Variants in LUZP2 observed in about 807,000 individuals in gnomAD.
LUZP2 encodes the protein leucine zipper protein 2.
Under a neutral mutation model 51.6 loss-of-function variants are expected in LUZP2, and 52 were observed. The observed-to-expected ratio is 1.01, with a 90% CI of 0.81 to 1.27. The LOEUF (loss-of-function observed/expected upper bound fraction) is 1.27, where lower values mean the gene tolerates loss of function less well. LUZP2 is among the 50% of genes most tolerant of loss of function. The probability of loss-of-function intolerance (pLI) is 0.00; values close to 1 mark genes in which losing one functional copy is unlikely to be tolerated. For synonymous variants in LUZP2, 154 were observed against 137.3 expected, an observed-to-expected ratio of 1.12 and a Z score of -0.85; for missense variants, 436 against 395.4, an observed-to-expected ratio of 1.10 and a Z score of -0.87.
In LUZP2 at chr11:24,540,942, G is replaced by T. The variant is rs993338323; in HGVS notation, c.62+43637G>T. Reference sequence around the variant, plus strand: ...GCTTAGCTATTCCAAAGATGTAAACGTGACACTTTAAGAAATGAGGTGATG... The same window carrying T: ...GCTTAGCTATTCCAAAGATGTAAACTTGACACTTTAAGAAATGAGGTGATG... On this transcript the variant is annotated intron_variant, in intron 1 of 11. Transcript: ENST00000336930. Among the ~76,000 whole-genome samples the T allele has an allele frequency of 3.3e-5, 5 of 152,062 alleles. No individual in the cohort carries two copies. In the South Asian group the frequency reaches 1.0e-3, roughly 32 times the overall value.
At chr11:24,896,730 G>A (rs1199987191) in intron 5 of LUZP2, among the ~76,000 whole-genome samples, 3 of 152,336 alleles carry the variant, frequency 2.0e-5, no homozygotes, top group Middle Eastern at 3.4e-3. Context: ...GCCCCGGCAC[G>A]GGATCCACTA....
chr11:24,597,945 A>G (rs4439509), intron 1 of LUZP2, among the ~76,000 whole-genome samples: 26,158 of 152,034 alleles, frequency 0.17, 2,685 homozygotes, highest in Middle Eastern at 0.33. Context: ...TACTAAAGAT[A>G]CAAAAATTAG....
chr11:24,896,328 C>T (rs1040438294), intron 5 of LUZP2, among the ~76,000 whole-genome samples: 3 of 152,082 alleles, frequency 2.0e-5, no homozygotes, highest in Non-Finnish European at 4.4e-5. Context: ...AGGGCAATTG[C>T]GGGCCACAGT....
chr11:24,634,275 C>G (rs955417985), intron 1 of LUZP2, among the ~76,000 whole-genome samples: 1 of 151,814 alleles, frequency 6.6e-6, no homozygotes, highest in Non-Finnish European at 1.5e-5. Context: ...GCACAGATAC[C>G]CTGGAAGTAC....
At chr11:24,682,943 G>T (rs1856794152) in intron 1 of LUZP2, among the ~76,000 whole-genome samples, 1 of 152,110 alleles carries the variant, frequency 6.6e-6, no homozygotes, top group Admixed American at 6.5e-5. Context: ...GGCAGAGGTT[G>T]CAGTGAGCCG....
chr11:25,060,724 A>G (rs553654303), intron 10 of LUZP2, among the ~76,000 whole-genome samples: 1 of 152,308 alleles, frequency 6.6e-6, no homozygotes, highest in South Asian at 2.1e-4. Context: ...TAAAAAGAAA[A>G]GTGATATAGA....
At chr11:24,831,009 ATAAAT>A (rs1162461489) in intron 5 of LUZP2, among the ~76,000 whole-genome samples, 2 of 152,094 alleles carry the variant, frequency 1.3e-5, no homozygotes, top group African/African-American at 2.4e-5. Context: ...TAAAAATAAA[ATAAAT>A]TAAAATAAAA....
At chr11:24,498,267 G>A (rs11603870) in intron 1 of LUZP2, among the ~76,000 whole-genome samples, 4,849 of 152,262 alleles carry the variant, frequency 0.032, 103 homozygotes, top group Non-Finnish European at 0.045. Context: ...TCAAGTCTAC[G>A]TGAATAGAAA....
At chr11:24,595,044 G>A (rs1005249511) in intron 1 of LUZP2, among the ~76,000 whole-genome samples, 31 of 151,922 alleles carry the variant, frequency 2.0e-4, no homozygotes, top group Admixed American at 5.3e-4. Flanking sequence ...ACAGGCGTAA[G>A]CCACCATGCC....
rs531499251 is a variant in LUZP2 at position 24,706,189 on chromosome 11, GATAATAATGAAGATGATA to G, written c.63-22977_63-22960del. Among the ~76,000 whole-genome samples, 3 of 152,286 alleles carry G rather than the reference GATAATAATGAAGATGATA, an allele frequency of 2.0e-5. No homozygotes were observed. In the South Asian group the frequency reaches 6.2e-4, roughly 32 times the overall value. ...TTTTATAATATGCTTTTAAGAAGAA[GATAATAATGAAGATGATA>G]ATTTCCATTTTTTCTCATATATTGG... On this transcript the variant is annotated intron_variant, in intron 1 of 11. Transcript: ENST00000336930.
At chr11:24,676,459 C>CTA (rs1204245020) in intron 1 of LUZP2, among the ~76,000 whole-genome samples, 1 of 152,048 alleles carries the variant, frequency 6.6e-6, no homozygotes, top group Non-Finnish European at 1.5e-5. Flanking sequence ...CTGTTTAACA[C>CTA]TATCATTAAA....
intron 4 of LUZP2, among the ~76,000 whole-genome samples, chr11:24,755,581 G>T (rs764806751): frequency 6.6e-6 from 1 of 152,100 alleles, no homozygotes; most frequent in East Asian, 1.9e-4. Context: ...CTAAGCCTCC[G>T]GATGGATTGA....
At chr11:24,992,386 A>AT (rs1856376524) in intron 9 of LUZP2, among the ~76,000 whole-genome samples, 1 of 152,064 alleles carries the variant, frequency 6.6e-6, no homozygotes, top group Non-Finnish European at 1.5e-5. Flanking sequence ...TGGGTGAACC[A>AT]TTTTACCATG....
At chr11:24,944,861 A>G (rs2133854164) in intron 7 of LUZP2, among the ~76,000 whole-genome samples, 1 of 152,314 alleles carries the variant, frequency 6.6e-6, no homozygotes, top group East Asian at 1.9e-4. Flanking sequence ...GTTGCAGGAT[A>G]AAGGCTTTAA....
At chr11:24,779,660 G>C (rs2631399) in intron 5 of LUZP2, among the ~76,000 whole-genome samples, 109,671 of 152,034 alleles carry the variant, frequency 0.72, 40,065 homozygotes, top group East Asian at 0.86. Flanking sequence ...AGCCCAGAGA[G>C]ATCATGTCCT....
chr11:24,919,570 T>C (rs1853953836), intron 7 of LUZP2, among the ~76,000 whole-genome samples: 1 of 144,714 alleles, frequency 6.9e-6, no homozygotes, highest in Non-Finnish European at 1.5e-5. Flanking sequence ...TCATAATTTT[T>C]AATTTAAATA....
In LUZP2 at chr11:24,932,878, C is replaced by T. The variant is rs116186557; in HGVS notation, c.522+18340C>T. Among the ~76,000 whole-genome samples the T allele has an allele frequency of 7.9e-3, 1,196 of 152,244 alleles. 11 individuals carry two copies. Among genetic ancestry groups the T allele is most frequent in the African/African-American group, 0.028 (1,152 of 41,542 alleles). ...AGAATTGTTACAAAGTACAGCTGGA[C>T]GTTTCCTTCTCCCTGTGGTCTTTTC... On this transcript the variant is annotated intron_variant, in intron 7 of 11. Transcript: ENST00000336930.
At chr11:25,074,762 C>T (rs1190201870) in intron 10 of LUZP2, among the ~76,000 whole-genome samples, 5 of 151,962 alleles carry the variant, frequency 3.3e-5, no homozygotes, top group Non-Finnish European at 7.4e-5. Context: ...ATGCAAACCC[C>T]ATATTTATAG....
intron 1 of LUZP2, among the ~76,000 whole-genome samples, chr11:24,633,176 C>T (rs1854953779): frequency 6.6e-6 from 1 of 151,920 alleles, no homozygotes; most frequent in African/African-American, 2.4e-5. Context: ...TTTATTTACA[C>T]TTATCTTGCA....
Sources: allele counts gnomAD v4.1 joint callset (sites outside exome capture counted in the v4.1 genomes callset), GRCh38; gene constraint gnomAD v4.1.1; transcripts MANE v1.5; gene names NCBI Gene and HGNC (gene_info 2026-07-23, HGNC 2026-07-21).